Variants in MDGA2 observed in about 807,000 individuals in gnomAD.
MDGA2 encodes the protein MAM domain containing glycosylphosphatidylinositol anchor 2.
A neutral mutation model predicts 117.8 loss-of-function variants in MDGA2; 40 were observed. That is an observed-to-expected ratio of 0.34 (90% CI 0.26 to 0.44). MDGA2 has a LOEUF of 0.44. Ranked by LOEUF, MDGA2 falls within the 20% of genes least tolerant of loss-of-function variation. The pLI is 1.00. For synonymous variants in MDGA2, 452 were observed against 439.0 expected (o/e 1.03, Z -0.37); for missense variants, 1,123 against 1,250.6 (o/e 0.90, Z 1.54).
At chr14:46,901,840 A>G (rs1412549666) in intron 10 of MDGA2, among the ~76,000 whole-genome samples, 1 of 152,204 alleles carries the variant, frequency 6.6e-6, no homozygotes, top group Non-Finnish European at 1.5e-5. Flanking sequence ...GGCAGTCTTA[A>G]CTGAGAGCTA....
At position 47,419,354 on chromosome 14, in the gene MDGA2, T is replaced by A. The variant is rs141563217; in HGVS notation, c.281-117804A>T. Among the ~76,000 whole-genome samples the A allele has an allele frequency of 3.1e-3, 472 of 152,214 alleles. 1 individual carries two copies. The highest frequency in any genetic ancestry group is 0.011 in the African/African-American group (449 of 41,562). ...TCAGAGATTTAGTTATTGAAATACCTAATGATATTTATTGTAGGCTGATTG... is the reference window on the plus strand; with the variant it reads ...TCAGAGATTTAGTTATTGAAATACCAAATGATATTTATTGTAGGCTGATTG... On this transcript the variant is annotated intron_variant, in intron 1 of 16. Transcript: ENST00000399232.
chr14:47,328,200 G>A (rs1398676724), intron 1 of MDGA2, among the ~76,000 whole-genome samples: 1 of 151,976 alleles, frequency 6.6e-6, no homozygotes, highest in Non-Finnish European at 1.5e-5. Context: ...ACTCCATATC[G>A]GGCAGAGGGG....
At chr14:46,883,137 C>A (rs537696804) in intron 10 of MDGA2, among the ~76,000 whole-genome samples, 26 of 151,804 alleles carry the variant, frequency 1.7e-4, no homozygotes, top group African/African-American at 6.3e-4. Flanking sequence ...TAATTTAAAC[C>A]AAAAAGGATG....
intron 2 of MDGA2, among the ~76,000 whole-genome samples, chr14:47,252,445 A>C (rs934292266): frequency 6.6e-6 from 1 of 152,164 alleles, no homozygotes; most frequent in Non-Finnish European, 1.5e-5. Context: ...ACAACTTTGC[A>C]TATTTCTGTT....
chr14:47,563,867 G>A lies in MDGA2; in HGVS notation c.280+110650C>T, dbSNP rs1310256940. On this transcript the variant is annotated intron_variant, in intron 1 of 16. Transcript: ENST00000399232. ...TTATGGTATCACTGGTTTATGTACT[G>A]TATGTGTTTTTGTAGCAGTGAGTAA... Among the ~76,000 whole-genome samples, 4 of 152,104 alleles carry A rather than the reference G, an allele frequency of 2.6e-5. No individual in the cohort carries two copies. In the East Asian group the frequency reaches 7.7e-4, roughly 29 times the overall value.
At chr14:47,090,818 C>T (rs1318186349) in intron 6 of MDGA2, among the ~76,000 whole-genome samples, 3 of 152,082 alleles carry the variant, frequency 2.0e-5, no homozygotes, top group African/African-American at 7.2e-5. Flanking sequence ...GAGAGAGAGA[C>T]AAAGAGAAGA....
chr14:46,990,867 CA>C (rs1219599971), intron 8 of MDGA2, among the ~76,000 whole-genome samples: 1 of 57,802 alleles, frequency 1.7e-5, no homozygotes, highest in Non-Finnish European at 3.4e-5. Context: ...CACACACACC[CA>C]CACACACACA....
chr14:47,038,286 T>G (rs1483803544), intron 7 of MDGA2, among the ~76,000 whole-genome samples: 3 of 152,172 alleles, frequency 2.0e-5, no homozygotes, highest in Non-Finnish European at 4.4e-5. Flanking sequence ...GTTATTGATG[T>G]TCTGATTACA....
intron 1 of MDGA2, among the ~76,000 whole-genome samples, chr14:47,306,518 G>T (rs1889451036): frequency 6.6e-6 from 1 of 151,914 alleles, no homozygotes; most frequent in African/African-American, 2.4e-5. Context: ...TTTGGTACAA[G>T]GAGCTTCCTC....
At chr14:47,343,076 T>G (rs985142247) in intron 1 of MDGA2, 7 of 1,277,674 alleles carry the variant, frequency 5.5e-6, no homozygotes, top group Non-Finnish European at 7.1e-6. Context: ...AAGGGATTCA[T>G]ACTTGAACAT....
chr14:46,926,395 A>T (rs1336120355), intron 9 of MDGA2, among the ~76,000 whole-genome samples: 2 of 150,174 alleles, frequency 1.3e-5, no homozygotes, highest in Non-Finnish European at 3.0e-5. Flanking sequence ...TCCAAGGTGA[A>T]CTTAAACGCC....
chr14:47,240,709 A>G (rs1887011775), intron 2 of MDGA2, among the ~76,000 whole-genome samples: 2 of 151,954 alleles, frequency 1.3e-5, no homozygotes, highest in Non-Finnish European at 2.9e-5. Flanking sequence ...TGCACACACA[A>G]CTGAGGGGTT....
chr14:46,860,936 T>C (rs969891901), intron 14 of MDGA2, among the ~76,000 whole-genome samples: 13 of 152,112 alleles, frequency 8.5e-5, no homozygotes, highest in Admixed American at 7.9e-4. Flanking sequence ...CTATGTGCCA[T>C]GTGAGCCAGT....
intron 7 of MDGA2, among the ~76,000 whole-genome samples, chr14:47,045,152 C>T (rs898588354): frequency 1.3e-5 from 2 of 152,138 alleles, no homozygotes; most frequent in East Asian, 3.9e-4. Context: ...CATATTTTCC[C>T]TGCTACTCAA....
chr14:47,172,252 T>C (rs1271394719), intron 3 of MDGA2, among the ~76,000 whole-genome samples: 1 of 152,114 alleles, frequency 6.6e-6, no homozygotes, highest in Non-Finnish European at 1.5e-5. Context: ...CAGTAACCTC[T>C]GCAGACTTAA....
Position 47,096,931 on chromosome 14 carries a change from T to C in MDGA2, c.1118A>G (p.Asp373Gly), listed in dbSNP as rs1250825940. 1.9e-6 allele frequency: 3 copies of C among 1,613,344 alleles called. No homozygotes were observed. The highest frequency in any genetic ancestry group is 1.7e-4 in the Middle Eastern group (1 of 6,060). The change falls in exon 6 of 17, where the codon GAT (aspartate) becomes GGT (glycine). Residue 373 changes from aspartate to glycine, a missense_variant. Asp to Gly is a moderately conservative substitution (Grantham distance 94). Transcript: ENST00000399232. ...GGCAATGCAGCTGTAAGTACCAGCA[T>C]CATCTGAGGTGATGGCAGGTATGGT... ...TLTIPAITSD[D>G]AGTYSCIANN...
chr14:47,349,443 A>C (rs767634362), intron 1 of MDGA2, among the ~76,000 whole-genome samples: 2 of 152,244 alleles, frequency 1.3e-5, no homozygotes, highest in Non-Finnish European at 2.9e-5. Context: ...TAAAATGTTT[A>C]ATAGATACCA....
At chr14:47,484,831 T>C (rs1310674340) in intron 1 of MDGA2, among the ~76,000 whole-genome samples, 1 of 152,150 alleles carries the variant, frequency 6.6e-6, no homozygotes, top group Non-Finnish European at 1.5e-5. Context: ...CCTGCCACCA[T>C]CCATGTAGGA....
At chr14:47,113,360 T>G (rs1002149924) in intron 5 of MDGA2, among the ~76,000 whole-genome samples, 3 of 152,002 alleles carry the variant, frequency 2.0e-5, no homozygotes, top group African/African-American at 7.2e-5. Flanking sequence ...ATGGATTTAC[T>G]GAAACTATTC....
Sources: allele counts gnomAD v4.1 joint callset (sites outside exome capture counted in the v4.1 genomes callset), GRCh38; gene constraint gnomAD v4.1.1; transcripts MANE v1.5; gene names NCBI Gene and HGNC (gene_info 2026-07-23, HGNC 2026-07-21).